Variants in CACNA2D3 observed in about 807,000 individuals in gnomAD.
CACNA2D3 encodes calcium voltage-gated channel auxiliary subunit alpha2delta 3, also known as voltage-dependent calcium channel subunit alpha-2/delta-3.
CACNA2D3 carries 60 observed loss-of-function variants against 160.6 expected under a neutral mutation model. That is an observed-to-expected ratio of 0.37 (90% CI 0.30 to 0.46). CACNA2D3 has a LOEUF of 0.46. Ranked by LOEUF, CACNA2D3 falls within the 20% of genes least tolerant of loss-of-function variation. CACNA2D3 has a pLI of 1.00. For missense variants in CACNA2D3, 1,205 were observed against 1,365.0 expected, an observed-to-expected ratio of 0.88 and a Z score of 1.85; for synonymous variants, 558 against 492.9, an observed-to-expected ratio of 1.13 and a Z score of -1.75.
chr3:54,238,930 G>C (rs931678063), intron 2 of CACNA2D3, among the ~76,000 whole-genome samples: 3 of 152,200 alleles, frequency 2.0e-5, no homozygotes, highest in Admixed American at 6.5e-5. Flanking sequence ...GAGGTCTTCA[G>C]ATCATTTTGA....
rs1438087014 is a variant in CACNA2D3 at position 54,388,844 on chromosome 3, C to A, written c.381+2070C>A. Among the ~76,000 whole-genome samples the A allele has an allele frequency of 2.6e-5, 4 of 152,234 alleles. No homozygotes were observed. The East Asian group carries it at 7.7e-4, about 29-fold the overall frequency. Reference sequence around the variant, plus strand: ...TTATAAGGACCTCTTGAGTGCAATGCCCAGGGAAACTGTGTCACTTTTCTC... The same window carrying A: ...TTATAAGGACCTCTTGAGTGCAATGACCAGGGAAACTGTGTCACTTTTCTC... On this transcript the variant is annotated intron_variant, in intron 4 of 37. Coordinates refer to ENST00000474759, the MANE Select transcript of CACNA2D3 (RefSeq NM_018398.3).
chr3:54,717,763 TGTGTGTGGTGTGTGTGCATGTGC>T (rs1701085215), intron 11 of CACNA2D3, among the ~76,000 whole-genome samples: 1 of 125,646 alleles, frequency 8.0e-6, no homozygotes. Context: ...TGTGCAAGCG[TGTGTGTGGTGTGTGTGCATGTGC>T]GTGTGTGGTG....
intron 35 of CACNA2D3, among the ~76,000 whole-genome samples, chr3:55,035,585 G>A (rs1432931877): frequency 6.6e-6 from 1 of 152,120 alleles, no homozygotes; most frequent in East Asian, 1.9e-4. Context: ...AATGAATTAT[G>A]CTAATACTAT....
rs558959236 is a variant in CACNA2D3, at chr3:54,420,232, A to T, written c.381+33458A>T. On this transcript the variant is annotated intron_variant, in intron 4 of 37. Coordinates refer to ENST00000474759, the MANE Select transcript of CACNA2D3 (RefSeq NM_018398.3). ...CCTGAGTAGCTGGGTCTACAGGCAC[A>T]CGCCACTATGCCCAGCTAATTTTTG... Among the ~76,000 whole-genome samples, 35 of 152,010 alleles carry T rather than the reference A, an allele frequency of 2.3e-4. 1 individual carries two copies. In the South Asian group the frequency reaches 7.3e-3, roughly 32 times the overall value.
rs368602637 is a variant in CACNA2D3, at chr3:54,716,762, G to A, written c.1168-35837G>A. 3.9e-5 allele frequency among the ~76,000 whole-genome samples: 6 copies of A among 152,254 alleles called. 1 individual carries two copies. Among genetic ancestry groups the A allele is most frequent in the African/African-American group, 1.4e-4 (6 of 41,554 alleles). ...TGTTTTTCCATGTCTCAGCTTCCAA[G>A]CTAAACTTTTCCCTTTGGGCATAGT... is the stretch of plus-strand genomic sequence containing the variant. On this transcript the variant is annotated intron_variant, in intron 11 of 37. Transcript: ENST00000474759.
chr3:54,457,621 A>G (rs926368321), intron 4 of CACNA2D3, among the ~76,000 whole-genome samples: 1 of 151,982 alleles, frequency 6.6e-6, no homozygotes, highest in African/African-American at 2.4e-5. Flanking sequence ...GATTTTCTGT[A>G]TAGATGATCT....
intron 2 of CACNA2D3, among the ~76,000 whole-genome samples, chr3:54,180,934 A>G (rs1478895156): frequency 2.0e-5 from 3 of 152,142 alleles, no homozygotes; most frequent in Non-Finnish European, 4.4e-5. Context: ...TACCTGATAG[A>G]TGTTAACCTT....
intron 4 of CACNA2D3, among the ~76,000 whole-genome samples, chr3:54,459,582 G>C (rs1057354582): frequency 6.6e-6 from 1 of 152,128 alleles, no homozygotes; most frequent in Non-Finnish European, 1.5e-5. Flanking sequence ...TTTGAGAAGT[G>C]TCTGTTCATA....
chr3:54,826,092 A>T (rs1010426436), intron 14 of CACNA2D3, among the ~76,000 whole-genome samples: 11 of 152,228 alleles, frequency 7.2e-5, no homozygotes, highest in East Asian at 3.8e-4. Flanking sequence ...TATTTTAAAG[A>T]AGCAACTGCC....
chr3:55,034,096 T>C (rs1703762457), intron 35 of CACNA2D3, among the ~76,000 whole-genome samples: 1 of 151,454 alleles, frequency 6.6e-6, no homozygotes, highest in Non-Finnish European at 1.5e-5. Flanking sequence ...TCAAAGGGTA[T>C]ACATGTTTAT....
At chr3:54,336,688 G>T (rs1394964591) in intron 3 of CACNA2D3, among the ~76,000 whole-genome samples, 1 of 152,138 alleles carries the variant, frequency 6.6e-6, no homozygotes, top group African/African-American at 2.4e-5. Context: ...GTTTTTGAAG[G>T]CAGCTAGAGA....
intron 12 of CACNA2D3, among the ~76,000 whole-genome samples, chr3:54,752,916 A>G (rs944441507): frequency 4.1e-5 from 6 of 146,434 alleles, no homozygotes; most frequent in African/African-American, 1.5e-4. Context: ...GCTGGAGTGC[A>G]GTAACGCGAT....
intron 13 of CACNA2D3, among the ~76,000 whole-genome samples, chr3:54,781,040 A>C (rs1266415514): frequency 6.6e-6 from 1 of 152,196 alleles, no homozygotes; most frequent in Non-Finnish European, 1.5e-5. Flanking sequence ...TATTTAGAAA[A>C]TGTTGTGGTT....
chr3:54,559,274 T>A (rs1331372463), intron 5 of CACNA2D3, among the ~76,000 whole-genome samples: 1 of 152,072 alleles, frequency 6.6e-6, no homozygotes, highest in African/African-American at 2.4e-5. Context: ...TCTTCACCCT[T>A]ATTTTTTTTC....
intron 2 of CACNA2D3, among the ~76,000 whole-genome samples, chr3:54,298,322 A>T (rs904376646): frequency 6.6e-6 from 1 of 152,230 alleles, no homozygotes; most frequent in Non-Finnish European, 1.5e-5. Flanking sequence ...GGCTTCCAGG[A>T]TCCTTTCTAG....
intron 9 of CACNA2D3, among the ~76,000 whole-genome samples, chr3:54,591,763 C>G (rs1267840163): frequency 2.6e-5 from 4 of 152,052 alleles, no homozygotes; most frequent in Non-Finnish European, 5.9e-5. Context: ...AGTCCATTTT[C>G]TCACATCCTT....
At chr3:55,001,668 T>G (rs1490893970) in intron 31 of CACNA2D3, among the ~76,000 whole-genome samples, 2 of 152,224 alleles carry the variant, frequency 1.3e-5, no homozygotes, top group Non-Finnish European at 2.9e-5. Flanking sequence ...TTGGGAACAG[T>G]GCAGCTTTAA....
chr3:54,799,635 C>G lies in CACNA2D3; in HGVS notation c.1381-17218C>G, dbSNP rs115957041. Among the ~76,000 whole-genome samples the G allele has an allele frequency of 9.6e-3, 1,466 of 152,224 alleles. 22 individuals are homozygous for G. Among genetic ancestry groups the G allele is most frequent in the African/African-American group, 0.033 (1,373 of 41,538 alleles). On this transcript the variant is annotated intron_variant, in intron 13 of 37. Transcript: ENST00000474759. ...TTTCTTCTGAAGGATTTTAATGCTGCCTTTTGTAGGGAATATGAAGACCCT... is the reference window on the plus strand; with the variant it reads ...TTTCTTCTGAAGGATTTTAATGCTGGCTTTTGTAGGGAATATGAAGACCCT...
At chr3:54,912,263 A>G (rs1336636242) in intron 27 of CACNA2D3, among the ~76,000 whole-genome samples, 1 of 152,170 alleles carries the variant, frequency 6.6e-6, no homozygotes, top group Admixed American at 6.5e-5. Context: ...TGGATATCTT[A>G]TTACTTTTCC....
Sources: allele counts gnomAD v4.1 joint callset (sites outside exome capture counted in the v4.1 genomes callset), GRCh38; gene constraint gnomAD v4.1.1; transcripts MANE v1.5; gene names NCBI Gene and HGNC (gene_info 2026-07-23, HGNC 2026-07-21).